CAMK2D: variants seen among roughly 807,000 people sequenced by gnomAD.
The protein encoded by CAMK2D is calcium/calmodulin-dependent protein kinase type II subunit delta.
Under a neutral mutation model 84.0 loss-of-function variants are expected in CAMK2D, and 37 were observed. The observed-to-expected ratio is 0.44, with a 90% CI of 0.34 to 0.58. The LOEUF is 0.58. Ranked by LOEUF, CAMK2D falls within the 20% of genes least tolerant of loss-of-function variation. CAMK2D has a pLI of 0.02. For missense variants in CAMK2D, 448 were observed against 652.5 expected, an observed-to-expected ratio of 0.69 and a Z score of 3.41; for synonymous variants, 202 against 212.5, an observed-to-expected ratio of 0.95 and a Z score of 0.43.
intron 2 of CAMK2D, among the ~76,000 whole-genome samples, chr4:113,695,747 A>G (rs560598525): frequency 1.3e-5 from 2 of 152,190 alleles, no homozygotes; most frequent in African/African-American, 4.8e-5. Flanking sequence ...CCTTTCTTGC[A>G]GTTTACTTTC....
chr4:113,540,396 G>T (rs114767698), intron 6 of CAMK2D, among the ~76,000 whole-genome samples: 1 of 152,086 alleles, frequency 6.6e-6, no homozygotes, highest in African/African-American at 2.4e-5. Context: ...TTTCTAACAC[G>T]AATCAGACAG....
intron 3 of CAMK2D, among the ~76,000 whole-genome samples, chr4:113,634,010 T>G (rs28568786): frequency 6.6e-6 from 1 of 152,216 alleles, no homozygotes; most frequent in Non-Finnish European, 1.5e-5. Flanking sequence ...TGTCTTTACT[T>G]GCTTTTAAAA....
chr4:113,497,699 C>T (rs2154146544), intron 16 of CAMK2D, among the ~76,000 whole-genome samples: 1 of 152,316 alleles, frequency 6.6e-6, no homozygotes, highest in East Asian at 1.9e-4. Flanking sequence ...CTGTCCCTGC[C>T]AGGTTAGTCC....
chr4:113,474,498 CTTTTTTTTTTTTTT>C lies in CAMK2D; in HGVS notation c.1136-8908_1136-8895del, dbSNP rs70961831. Among the ~76,000 whole-genome samples the C allele has an allele frequency of 3.0e-3, 267 of 89,844 alleles. 1 individual carries two copies. The highest frequency in any genetic ancestry group is 0.01 in the African/African-American group (245 of 23,446). The allele number at this position is 89,844 out of a possible 152,430, so 58.9% of individuals were successfully genotyped here. A position where few individuals can be genotyped will look rare whatever the true frequency, so the allele number is the denominator to read the frequency against. On this transcript the variant is annotated intron_variant, in intron 16 of 20. Coordinates refer to ENST00000511664, the MANE Select transcript of CAMK2D (RefSeq NM_001321571.2). ...AAATATTTGGAAAGTCCTTTTTGGC[CTTTTTTTTTTTTTT>C]TTTTTTTTTTTTTGGTCATGAAAGC...
At chr4:113,541,908 T>C (rs2098532471) in intron 6 of CAMK2D, among the ~76,000 whole-genome samples, 1 of 152,230 alleles carries the variant, frequency 6.6e-6, no homozygotes, top group Non-Finnish European at 1.5e-5. Flanking sequence ...TTTGTATACA[T>C]GGTACAAGGG....
At chr4:113,589,555 C>G (rs2098850591) in intron 4 of CAMK2D, among the ~76,000 whole-genome samples, 1 of 151,982 alleles carries the variant, frequency 6.6e-6, no homozygotes, top group African/African-American at 2.4e-5. Context: ...GAGAAGGGCG[C>G]AATGAGTCAA....
chr4:113,481,827 T>C (rs2097704747), intron 16 of CAMK2D, among the ~76,000 whole-genome samples: 1 of 152,084 alleles, frequency 6.6e-6, no homozygotes, highest in South Asian at 2.1e-4. Flanking sequence ...ACAGAGAGGG[T>C]AACTTTTGAT....
At chr4:113,470,521 C>G (rs1431771612) in intron 16 of CAMK2D, among the ~76,000 whole-genome samples, 1 of 151,948 alleles carries the variant, frequency 6.6e-6, no homozygotes, top group Admixed American at 6.6e-5. Context: ...ACATGTAGTC[C>G]CAGCTACTCG....
intron 2 of CAMK2D, among the ~76,000 whole-genome samples, chr4:113,725,172 G>C (rs2099542250): frequency 6.6e-6 from 1 of 152,000 alleles, no homozygotes; most frequent in Admixed American, 6.6e-5. Context: ...TCTGAAAATA[G>C]ATTGTGGGAG....
At chr4:113,678,462 T>TC (rs112312301) in intron 2 of CAMK2D, among the ~76,000 whole-genome samples, 35,862 of 149,880 alleles carry the variant, frequency 0.24, 5,135 homozygotes, top group African/African-American at 0.42. Flanking sequence ...GTTCTGTGAT[T>TC]TTTTTTTTTT....
intron 16 of CAMK2D, among the ~76,000 whole-genome samples, chr4:113,468,922 C>T (rs1364154025): frequency 1.3e-5 from 2 of 152,178 alleles, no homozygotes; most frequent in Non-Finnish European, 2.9e-5. Flanking sequence ...AACTGAAGTG[C>T]TCAAGCCTAT....
intron 2 of CAMK2D, chr4:113,754,292 C>A: frequency 1.0e-6 from 1 of 976,436 alleles, no homozygotes; most frequent in Non-Finnish European, 1.2e-6. Flanking sequence ...ATATACCAAT[C>A]CAGCCCTAGA....
chr4:113,759,075 C>T (rs1010947942), intron 2 of CAMK2D: 3 of 256,070 alleles, frequency 1.2e-5, no homozygotes, highest in African/African-American at 6.7e-5. Flanking sequence ...TATAGTTATT[C>T]ATGCTATTGC....
At chr4:113,610,051 TTTTA>T (rs1299921277) in intron 3 of CAMK2D, among the ~76,000 whole-genome samples, 2 of 152,172 alleles carry the variant, frequency 1.3e-5, no homozygotes, top group African/African-American at 4.8e-5. Context: ...GCTTATTTAT[TTTTA>T]TTTTTTACTT....
At chr4:113,737,011 G>A (rs1333914199) in intron 2 of CAMK2D, among the ~76,000 whole-genome samples, 2 of 152,086 alleles carry the variant, frequency 1.3e-5, no homozygotes, top group Non-Finnish European at 2.9e-5. Context: ...TTATGTCATA[G>A]AATATCAAAA....
chr4:113,630,147 T>A (rs1478558419), intron 3 of CAMK2D, among the ~76,000 whole-genome samples: 1 of 152,178 alleles, frequency 6.6e-6, no homozygotes, highest in African/African-American at 2.4e-5. Context: ...TTATTTTCAA[T>A]GAAGAGAACT....
intron 16 of CAMK2D, among the ~76,000 whole-genome samples, chr4:113,478,332 C>T (rs2097656444): frequency 6.6e-6 from 1 of 152,186 alleles, no homozygotes. Context: ...TTAAAGAATA[C>T]CAACTCAGGT....
At chr4:113,692,920 T>C (rs952768983) in intron 2 of CAMK2D, among the ~76,000 whole-genome samples, 5 of 152,194 alleles carry the variant, frequency 3.3e-5, no homozygotes, top group African/African-American at 7.2e-5. Context: ...TCTATTAATA[T>C]AATTTGCAGA....
At chr4:113,716,595 G>A (rs1330628875) in intron 2 of CAMK2D, among the ~76,000 whole-genome samples, 1 of 143,598 alleles carries the variant, frequency 7.0e-6, no homozygotes, top group Admixed American at 7.2e-5. Flanking sequence ...AGGTTGTAGT[G>A]AGCTGAGATT....
Sources: gnomAD v4.1 joint callset for allele counts (sites outside exome capture counted in the v4.1 genomes callset) on GRCh38, gnomAD v4.1.1 for gene constraint, MANE v1.5 for transcripts, NCBI Gene and HGNC (gene_info 2026-07-23, HGNC 2026-07-21) for gene names.